The following LRRFIP1 variants were observed in gnomAD, a reference collection of about 807,000 sequenced individuals.
LRRFIP1 encodes the protein LRR binding FLII interacting protein 1.
In LRRFIP1, 62 loss-of-function variants were observed where a neutral mutation model predicts 104.4. The observed-to-expected ratio is 0.59, with a 90% CI of 0.48 to 0.73. The LOEUF is 0.73. LRRFIP1 is among the 30% of genes least tolerant of loss of function. LRRFIP1 has a pLI of 0.00. For synonymous variants in LRRFIP1, 300 were observed against 299.0 expected, an observed-to-expected ratio of 1.00 and a Z score of -0.03; for missense variants, 796 against 824.5, an observed-to-expected ratio of 0.97 and a Z score of 0.42.
At chr2:237,673,540 T>C (rs1056992994) in intron 1 of LRRFIP1, among the ~76,000 whole-genome samples, 2 of 152,228 alleles carry the variant, frequency 1.3e-5, no homozygotes, top group African/African-American at 4.8e-5. Context: ...TTACCCTCGC[T>C]GGGTGTGCGG....
intron 6 of LRRFIP1, among the ~76,000 whole-genome samples, chr2:237,722,345 C>T (rs1223643697): frequency 2.0e-5 from 3 of 152,160 alleles, no homozygotes; most frequent in South Asian, 2.1e-4. Flanking sequence ...TGTGCACTTA[C>T]ATTTTCCTGG....
chr2:237,636,119 A>T (rs1307663564), intron 1 of LRRFIP1, among the ~76,000 whole-genome samples: 3 of 151,158 alleles, frequency 2.0e-5, no homozygotes, highest in East Asian at 3.9e-4. Flanking sequence ...AAAAAAATTT[A>T]AAAGAAAAAG....
rs538232073 is a variant in LRRFIP1, at chr2:237,773,001, G to A, written c.1707+56G>A. On this transcript the variant is annotated intron_variant, in intron 22 of 23. Coordinates refer to ENST00000308482, the MANE Select transcript of LRRFIP1 (RefSeq NM_001137550.2). Reference sequence around the variant, plus strand: ...TGATTGACTGGAGTTTTACTTGCTAGAAATAGCCCTGAAAGGCTGAGGACC... The same window carrying A: ...TGATTGACTGGAGTTTTACTTGCTAAAAATAGCCCTGAAAGGCTGAGGACC... 47 of 1,430,732 alleles carry A rather than the reference G, an allele frequency of 3.3e-5. No homozygotes were observed. The South Asian group carries it at 5.2e-4, about 16-fold the overall frequency. The allele number at this position is 1,430,732 out of a possible 1,614,324, so 88.6% of individuals were successfully genotyped here.
At chr2:237,694,679 A>G (rs538208362) in intron 1 of LRRFIP1, among the ~76,000 whole-genome samples, 30 of 152,294 alleles carry the variant, frequency 2.0e-4, no homozygotes, top group Non-Finnish European at 4.0e-4. Context: ...GAGGAAGTAG[A>G]TTTGGCAAGC....
At chr2:237,677,490 T>G (rs1015340792) in intron 1 of LRRFIP1, among the ~76,000 whole-genome samples, 12 of 152,320 alleles carry the variant, frequency 7.9e-5, no homozygotes, top group African/African-American at 2.9e-4. Context: ...ATTTTGTCCA[T>G]TTAATATAAG....
At chr2:237,749,815 T>A (rs1031060847) in intron 13 of LRRFIP1, among the ~76,000 whole-genome samples, 1 of 152,210 alleles carries the variant, frequency 6.6e-6, no homozygotes, top group Non-Finnish European at 1.5e-5. Flanking sequence ...TGATTTTTTT[T>A]ATCCCACTGT....
chr2:237,634,257 C>T (rs1032189039), intron 1 of LRRFIP1, among the ~76,000 whole-genome samples: 14 of 152,176 alleles, frequency 9.2e-5, no homozygotes, highest in Admixed American at 1.3e-4. Flanking sequence ...ATTAGTTTAT[C>T]AATTGCAGAT....
intron 1 of LRRFIP1, among the ~76,000 whole-genome samples, chr2:237,659,988 C>T (rs1168288924): frequency 6.6e-6 from 1 of 152,096 alleles, no homozygotes; most frequent in African/African-American, 2.4e-5. Flanking sequence ...TTACAAATCC[C>T]ATAAGTTACC....
chr2:237,745,123 C>G (rs2057656824), intron 11 of LRRFIP1, among the ~76,000 whole-genome samples: 1 of 152,176 alleles, frequency 6.6e-6, no homozygotes, highest in Non-Finnish European at 1.5e-5. Context: ...GGAAAGGGGG[C>G]TTGGTTAAGG....
intron 1 of LRRFIP1, among the ~76,000 whole-genome samples, chr2:237,683,868 C>T (rs13406893): frequency 1.3e-5 from 2 of 152,166 alleles, no homozygotes; most frequent in Non-Finnish European, 2.9e-5. Context: ...TTTAAGCCTT[C>T]GAATACATCT....
intron 8 of LRRFIP1, among the ~76,000 whole-genome samples, chr2:237,731,551 C>T (rs3769081): frequency 0.13 from 19,199 of 151,932 alleles, 2,748 homozygotes; most frequent in African/African-American, 0.36. Flanking sequence ...ACCAAAGCAT[C>T]GGTGGGTTTA....
chr2:237,703,743 T>A lies in LRRFIP1; in HGVS notation c.97-4801T>A, dbSNP rs3754725. 4.0e-5 allele frequency among the ~76,000 whole-genome samples: 6 copies of A among 151,740 alleles called. No individual in the cohort carries two copies. The highest frequency in any genetic ancestry group is 2.4e-5 in the African/African-American group (1 of 41,232). On this transcript the variant is annotated intron_variant, in intron 1 of 23. Coordinates refer to ENST00000308482, the MANE Select transcript of LRRFIP1 (RefSeq NM_001137550.2). The surrounding 1 kb of genome is among the most constrained non-coding windows in gnomAD (Gnocchi z 4.3). ...TCACCAGGTGCTTTGCCTGTTTCCC[T>A]GGAGACTGGGCACCCAAACCACATT...
chr2:237,763,065 A>G (rs1289405292), intron 19 of LRRFIP1: 1 of 1,614,248 alleles, frequency 6.2e-7, no homozygotes, highest in South Asian at 1.1e-5. Flanking sequence ...GACACAGTTT[A>G]TCATGATGAC....
At chr2:237,632,615 C>T (rs2082541623) in intron 1 of LRRFIP1, among the ~76,000 whole-genome samples, 1 of 152,214 alleles carries the variant, frequency 6.6e-6, no homozygotes, top group South Asian at 2.1e-4. Context: ...CCTATATCAA[C>T]CTGTGCGGAG....
intron 10 of LRRFIP1, 46 bp from the exon 11 acceptor site, chr2:237,739,186 T>C (rs776979035): frequency 1.5e-4 from 232 of 1,518,118 alleles, no homozygotes; most frequent in Non-Finnish European, 2.0e-4. Flanking sequence ...GCTGACCCTG[T>C]TCCTTTGTTT....
chr2:237,702,463 G>T (rs998231825), intron 1 of LRRFIP1, among the ~76,000 whole-genome samples: 1 of 152,156 alleles, frequency 6.6e-6, no homozygotes, highest in African/African-American at 2.4e-5. Flanking sequence ...CAACCATTGT[G>T]GGCATTCCTG....
At chr2:237,719,939 A>C (rs2094476151) in intron 5 of LRRFIP1, among the ~76,000 whole-genome samples, 1 of 130,470 alleles carries the variant, frequency 7.7e-6, no homozygotes, top group Non-Finnish European at 1.6e-5. Context: ...GGATGAAATT[A>C]CTTTTTTTTT....
Position 237,781,168 on chromosome 2 carries a change from C to T in LRRFIP1, c.*1636C>T, listed in dbSNP as rs1190584447. Among the ~76,000 whole-genome samples, 1 of 152,250 alleles carries T rather than the reference C, an allele frequency of 6.6e-6. No homozygotes were observed. The highest frequency in any genetic ancestry group is 1.9e-4 in the East Asian group (1 of 5,204). On this transcript the variant is annotated 3_prime_UTR_variant, in exon 24 of 24. Coordinates refer to ENST00000308482, the MANE Select transcript of LRRFIP1 (RefSeq NM_001137550.2). Reference sequence around the variant, plus strand: ...AGGTTTCTTCCACAACATCTGAATACAAGCATGTTTAACTGGGAAAATGTC... The same window carrying T: ...AGGTTTCTTCCACAACATCTGAATATAAGCATGTTTAACTGGGAAAATGTC...
intron 1 of LRRFIP1, among the ~76,000 whole-genome samples, chr2:237,641,475 C>G (rs2083962980): frequency 1.5e-5 from 2 of 137,210 alleles, no homozygotes; most frequent in South Asian, 2.3e-4. Context: ...CCAGCCTGGG[C>G]AACAGAGTAA....
Sources: allele counts gnomAD v4.1 joint callset (sites outside exome capture counted in the v4.1 genomes callset), GRCh38; gene constraint gnomAD v4.1.1; non-coding constraint Gnocchi (gnomAD v3.1); transcripts MANE v1.5; gene names NCBI Gene and HGNC (gene_info 2026-07-23, HGNC 2026-07-21).